The following SMC3 variants were observed in gnomAD, a reference collection of about 807,000 sequenced individuals.
SMC3 encodes the protein structural maintenance of chromosomes protein 3.
A neutral mutation model predicts 171.8 loss-of-function variants in SMC3; 20 were observed. The observed-to-expected ratio is 0.12, with a 90% CI of 0.08 to 0.17. The LOEUF is 0.17. SMC3 is among the 10% of genes least tolerant of loss of function. The probability of loss-of-function intolerance (pLI) is 1.00; values close to 1 mark genes in which losing one functional copy is unlikely to be tolerated. For synonymous variants in SMC3, 464 were observed against 451.1 expected, an observed-to-expected ratio of 1.03 and a Z score of -0.36; for missense variants, 543 against 1,420.4, an observed-to-expected ratio of 0.38 and a Z score of 9.93.
chr10:110,602,641 C>T lies in SMC3; in HGVS notation c.3273C>T (p.Asp1091=). Residue 1091 remains aspartate (D), a synonymous_variant, in exon 26 of 29, where the codon GAC becomes GAT. Coordinates refer to ENST00000361804, the MANE Select transcript of SMC3 (RefSeq NM_005445.4). ...CACAAAGCAGTGTCCCATCAGTTGA[C>T]CAGTTTACTGGAGTTGGAATTAGGG... The part of the protein sequence containing the change: ...SGSQSSVPSV[D]QFTGVGIRVS... 2 of 1,613,870 alleles carry T rather than the reference C, an allele frequency of 1.2e-6. No homozygotes were observed. The highest frequency in any genetic ancestry group is 1.7e-6 in the Non-Finnish European group (2 of 1,179,844).
At chr10:110,603,811 A>C (rs1195864547) in intron 28 of SMC3, among the ~76,000 whole-genome samples, 1 of 152,194 alleles carries the variant, frequency 6.6e-6, no homozygotes, top group Non-Finnish European at 1.5e-5. Flanking sequence ...AATATAGGTG[A>C]TAGGCCGGGC....
rs1374922981 is a variant in SMC3, at chr10:110,582,423, A to G, written c.724-139A>G. 4 of 705,604 alleles carry G rather than the reference A, an allele frequency of 5.7e-6. No individual in the cohort carries two copies. In the South Asian group the frequency reaches 7.5e-5, roughly 13 times the overall value. 43.7% of individuals were successfully genotyped at this position (705,604 alleles called of 1,614,324 possible). On this transcript the variant is annotated intron_variant, in intron 9 of 28. Coordinates refer to ENST00000361804, the MANE Select transcript of SMC3 (RefSeq NM_005445.4). ...ATTTAGTGCTTCAGTTTTCTAGTTT[A>G]AAATCATTTTTAAAATTTTTGTAGA...
Position 110,577,826 on chromosome 10 carries a change from T to A in SMC3, c.271-9T>A. The A allele has an allele frequency of 6.3e-7, 1 of 1,599,340 alleles. No homozygotes were observed. The highest frequency in any genetic ancestry group is 8.6e-7 in the Non-Finnish European group (1 of 1,167,238). On this transcript the variant is annotated splice_polypyrimidine_tract_variant and intron_variant, in intron 5 of 28. Coordinates refer to ENST00000361804, the MANE Select transcript of SMC3 (RefSeq NM_005445.4). ...TAAATTAACTGTGGGCTTTTACATT[T>A]TTTCTTAGATCGATAAAGAGGAAGT...
chr10:110,567,891 G>A (rs1488158270), intron 1 of SMC3, 60 bp downstream of exon 1: 2 of 1,592,628 alleles, frequency 1.3e-6, no homozygotes, highest in African/African-American at 2.7e-5. Flanking sequence ...CCTTGAGGCG[G>A]GAGTGTTGCG....
At chr10:110,604,094 CAAAAAAAAAA>C (rs57491050) in intron 28 of SMC3, 127 bp from the exon 29 acceptor site, 86 of 230,242 alleles carry the variant, frequency 3.7e-4, no homozygotes, top group African/African-American at 3.6e-3. Context: ...GACTCCATCT[CAAAAAAAAAA>C]AAAAAAAAAA....
At chr10:110,583,032 A>G (rs1333006928) in intron 10 of SMC3, among the ~76,000 whole-genome samples, 1 of 151,152 alleles carries the variant, frequency 6.6e-6, no homozygotes, top group Non-Finnish European at 1.5e-5. Flanking sequence ...CTCAAGCTCA[A>G]GTGATCCTCC....
At position 110,605,935 on chromosome 10, in the gene SMC3, A is replaced by T. The variant is rs1020987723; in HGVS notation, c.*1633A>T. On this transcript the variant is annotated 3_prime_UTR_variant, in exon 29 of 29. Transcript: ENST00000361804. ...ATTCAATTCAAGGGATGTTACAAACATAACATCATTCTAGAACTTCTTAAT... is the reference window on the plus strand; with the variant it reads ...ATTCAATTCAAGGGATGTTACAAACTTAACATCATTCTAGAACTTCTTAAT... Among the ~76,000 whole-genome samples, 4 of 152,220 alleles carry T rather than the reference A, an allele frequency of 2.6e-5. No individual in the cohort carries two copies. Among genetic ancestry groups the T allele is most frequent in the Admixed American group, 6.5e-5 (1 of 15,282 alleles).
At chr10:110,572,712 T>A (rs1002961204) in intron 2 of SMC3, among the ~76,000 whole-genome samples, 1 of 152,200 alleles carries the variant, frequency 6.6e-6, no homozygotes, top group Admixed American at 6.5e-5. Flanking sequence ...ACTTTGTGCC[T>A]GCATTTACCA....
At chr10:110,588,982 T>C (rs888739254) in intron 13 of SMC3, among the ~76,000 whole-genome samples, 1 of 152,112 alleles carries the variant, frequency 6.6e-6, no homozygotes, top group Non-Finnish European at 1.5e-5. Context: ...ATTATAGAAA[T>C]AGGAAGATTT....
intron 11 of SMC3, 56 bp downstream of exon 11, chr10:110,583,604 A>G (rs1237018305): frequency 6.4e-6 from 10 of 1,566,256 alleles, no homozygotes; most frequent in Non-Finnish European, 8.8e-6. Context: ...TAGCAACTGT[A>G]GAAGACAGCC....
At chr10:110,589,413 A>G (rs1216575056) in intron 13 of SMC3, among the ~76,000 whole-genome samples, 192 bp from the exon 14 acceptor site, 2 of 152,144 alleles carry the variant, frequency 1.3e-5, no homozygotes, top group Non-Finnish European at 2.9e-5. Flanking sequence ...AACACCACAC[A>G]GTTAAGACAC....
At chr10:110,595,002 T>TTA (rs1041423832) in intron 18 of SMC3, among the ~76,000 whole-genome samples, 17 of 151,854 alleles carry the variant, frequency 1.1e-4, no homozygotes, top group Non-Finnish European at 2.1e-4. Flanking sequence ...TTATTTTTTT[T>TTA]TTTTGAGATG....
chr10:110,567,725 G>A lies in SMC3; in HGVS notation c.-92G>A, dbSNP rs558632292. Reference sequence around the variant, plus strand: ...GCTGAGGGGAGCGAGCGGCGCTTTGGGGGAGGGGTCGCGTAGGCGCCTCAC... The same window carrying A: ...GCTGAGGGGAGCGAGCGGCGCTTTGAGGGAGGGGTCGCGTAGGCGCCTCAC... On this transcript the variant is annotated 5_prime_UTR_variant, in exon 1 of 29. Coordinates refer to ENST00000361804, the MANE Select transcript of SMC3 (RefSeq NM_005445.4). The A allele has an allele frequency of 1.7e-5, 25 of 1,499,144 alleles. No individual in the cohort carries two copies. In the Admixed American group the frequency reaches 2.2e-4, roughly 13 times the overall value. 92.9% of individuals were successfully genotyped at this position (1,499,144 alleles called of 1,614,324 possible). A position where few individuals can be genotyped will look rare whatever the true frequency, so the allele number is the denominator to read the frequency against.
chr10:110,597,858 ACCT>A (rs770966026), intron 19 of SMC3, among the ~76,000 whole-genome samples: 4 of 152,146 alleles, frequency 2.6e-5, no homozygotes, highest in Non-Finnish European at 5.9e-5. Flanking sequence ...ATTTCACCTA[ACCT>A]CCTTTATGGT....
At chr10:110,587,762 A>T (rs539961023) in intron 13 of SMC3, among the ~76,000 whole-genome samples, 1 of 152,212 alleles carries the variant, frequency 6.6e-6, no homozygotes, top group East Asian at 1.9e-4. Context: ...ATTGTTTAGG[A>T]CTGTAAAAGT....
At chr10:110,587,673 G>A (rs900433876) in intron 13 of SMC3, among the ~76,000 whole-genome samples, 51 of 148,410 alleles carry the variant, frequency 3.4e-4, no homozygotes, top group African/African-American at 1.0e-3. Flanking sequence ...ACGACAGAGC[G>A]AGACTCCGTC....
At chr10:110,574,120 G>A (rs12415399) in intron 3 of SMC3, among the ~76,000 whole-genome samples, 17,683 of 152,170 alleles carry the variant, frequency 0.12, 1,209 homozygotes, top group East Asian at 0.26. Context: ...TATTTTAAAC[G>A]TATGTAAATG....
At position 110,599,844 on chromosome 10, in the gene SMC3, G is replaced by A. The variant is rs367602676; in HGVS notation, c.2427+32G>A. On this transcript the variant is annotated intron_variant, in intron 21 of 28. Transcript: ENST00000361804. ...AGACAGCTGACTGGAAAAAGAATTC[G>A]TTAGTAATTGGCTATTGTGAAAAGG... is the stretch of plus-strand genomic sequence containing the variant. 3.1e-5 allele frequency: 50 copies of A among 1,608,048 alleles called. No individual in the cohort carries two copies. The African/African-American group carries it at 4.5e-4, about 15-fold the overall frequency.
In SMC3 at chr10:110,596,283, T is replaced by C. The variant is rs1861299163; in HGVS notation, c.1964-115T>C. On this transcript the variant is annotated intron_variant, in intron 18 of 28. Coordinates refer to ENST00000361804, the MANE Select transcript of SMC3 (RefSeq NM_005445.4). ...CAAAATTTTTTCAGGGTGGTTTAAA[T>C]TACTTTCAATTCTCATTATCTACTT... The C allele has an allele frequency of 6.1e-6, 6 of 986,092 alleles. No individual in the cohort carries two copies. The South Asian group carries it at 1.2e-4, about 20-fold the overall frequency. The allele number at this position is 986,092 out of a possible 1,614,324, so 61.1% of individuals were successfully genotyped here. A position where few individuals can be genotyped will look rare whatever the true frequency, so the allele number is the denominator to read the frequency against.
Sources: allele counts gnomAD v4.1 joint callset (sites outside exome capture counted in the v4.1 genomes callset), GRCh38; gene constraint gnomAD v4.1.1; transcripts MANE v1.5; gene names NCBI Gene and HGNC (gene_info 2026-07-23, HGNC 2026-07-21).